The following GRIN2A variants were observed in gnomAD, a reference collection of about 807,000 sequenced individuals.
GRIN2A encodes the protein glutamate receptor ionotropic, NMDA 2A.
In GRIN2A, 22 loss-of-function variants were observed where a neutral mutation model predicts 113.4. That is an observed-to-expected ratio of 0.19 (90% CI 0.14 to 0.28). The LOEUF (loss-of-function observed/expected upper bound fraction) is 0.28, where lower values mean the gene tolerates loss of function less well. Ranked by LOEUF, GRIN2A falls within the 10% of genes least tolerant of loss-of-function variation. GRIN2A has a pLI of 1.00. For missense variants in GRIN2A, 1,502 were observed against 1,887.0 expected, an observed-to-expected ratio of 0.80 and a Z score of 3.78; for synonymous variants, 827 against 738.4, an observed-to-expected ratio of 1.12 and a Z score of -1.94.
At chr16:9,899,259 T>C (rs1475800915) in intron 3 of GRIN2A, among the ~76,000 whole-genome samples, 1 of 151,414 alleles carries the variant, frequency 6.6e-6, no homozygotes, top group Non-Finnish European at 1.5e-5. Flanking sequence ...GCCAACATGG[T>C]GAAACTCCAT....
At chr16:9,889,006 C>T (rs1567374678) in intron 4 of GRIN2A, among the ~76,000 whole-genome samples, 1 of 152,024 alleles carries the variant, frequency 6.6e-6, no homozygotes, top group East Asian at 1.9e-4. Context: ...TGATTAGTAA[C>T]ATATTGAAAA....
At chr16:9,946,187 G>C (rs2045014164) in intron 2 of GRIN2A, among the ~76,000 whole-genome samples, 1 of 152,204 alleles carries the variant, frequency 6.6e-6, no homozygotes, top group Non-Finnish European at 1.5e-5. Flanking sequence ...CAAGGAAACA[G>C]CAAAGACCCA....
chr16:10,098,006 A>C (rs944530950), intron 2 of GRIN2A, among the ~76,000 whole-genome samples: 4 of 152,106 alleles, frequency 2.6e-5, no homozygotes, highest in Non-Finnish European at 5.9e-5. Context: ...TAAATACACA[A>C]CCCACAGAGT....
rs78151447 is a variant in GRIN2A at position 10,009,942 on chromosome 16, A to T, written c.415-71391T>A. On this transcript the variant is annotated intron_variant, in intron 2 of 12. Transcript: ENST00000330684. ...GGATGATGGCCAAATGCACAATGAA[A>T]CTGGAACTGAGGTTCCTAAAGATGC... Among the ~76,000 whole-genome samples the T allele has an allele frequency of 9.4e-4, 143 of 152,294 alleles. 5 individuals carry two copies. In the East Asian group the frequency reaches 0.026, roughly 28 times the overall value.
intron 3 of GRIN2A, among the ~76,000 whole-genome samples, chr16:9,894,966 TATCC>T (rs1567161250): frequency 6.6e-6 from 1 of 152,222 alleles, no homozygotes; most frequent in Non-Finnish European, 1.5e-5. Context: ...TCCATCCATC[TATCC>T]GTCAATACAT....
intron 2 of GRIN2A, among the ~76,000 whole-genome samples, chr16:10,155,517 T>C (rs1182943099): frequency 1.3e-5 from 2 of 152,174 alleles, no homozygotes; most frequent in East Asian, 3.9e-4. Context: ...CTGCCAATTC[T>C]CCTGGCAGAT....
intron 2 of GRIN2A, among the ~76,000 whole-genome samples, chr16:9,957,475 C>T (rs1202512229): frequency 1.3e-5 from 2 of 152,172 alleles, no homozygotes; most frequent in Non-Finnish European, 2.9e-5. Context: ...TTTTTCATGC[C>T]TTCCCATGTG....
intron 4 of GRIN2A, among the ~76,000 whole-genome samples, chr16:9,860,012 C>T (rs956057890): frequency 1.4e-4 from 22 of 151,770 alleles, no homozygotes; most frequent in African/African-American, 5.3e-4. Context: ...CTAGAGTTTC[C>T]AGTCTCGGTG....
chr16:10,151,663 T>A (rs992898234), intron 2 of GRIN2A, among the ~76,000 whole-genome samples: 1 of 152,202 alleles, frequency 6.6e-6, no homozygotes, highest in Non-Finnish European at 1.5e-5. Flanking sequence ...AAGTTTCCTC[T>A]CATTTTTATC....
At chr16:10,093,805 T>C (rs568804794) in intron 2 of GRIN2A, among the ~76,000 whole-genome samples, 1 of 152,052 alleles carries the variant, frequency 6.6e-6, no homozygotes, top group Non-Finnish European at 1.5e-5. Flanking sequence ...GCCAATTACG[T>C]GAGGGAGACG....
intron 2 of GRIN2A, among the ~76,000 whole-genome samples, chr16:10,166,937 GCTTA>G (rs2049936871): frequency 1.3e-5 from 2 of 151,888 alleles, no homozygotes; most frequent in African/African-American, 2.4e-5. Context: ...CTTTTCTATG[GCTTA>G]CTTAAGAATC....
intron 8 of GRIN2A, among the ~76,000 whole-genome samples, chr16:9,830,310 T>C (rs183067558): frequency 2.7e-4 from 41 of 152,198 alleles, no homozygotes; most frequent in African/African-American, 8.9e-4. Context: ...CACAGCACTT[T>C]TTCCAGTATA....
intron 3 of GRIN2A, among the ~76,000 whole-genome samples, chr16:9,910,974 T>C (rs920254745): frequency 6.6e-6 from 1 of 152,060 alleles, no homozygotes; most frequent in Non-Finnish European, 1.5e-5. Context: ...ACCAGTATCA[T>C]TGGTGTATAG....
At chr16:10,107,891 C>T (rs2048528937) in intron 2 of GRIN2A, among the ~76,000 whole-genome samples, 1 of 152,214 alleles carries the variant, frequency 6.6e-6, no homozygotes, top group Non-Finnish European at 1.5e-5. Flanking sequence ...GTGCACAAAA[C>T]GTGCAAAGTG....
chr16:10,044,002 T>A (rs2047213205), intron 2 of GRIN2A, among the ~76,000 whole-genome samples: 1 of 90,162 alleles, frequency 1.1e-5, no homozygotes, highest in African/African-American at 4.7e-5. Flanking sequence ...TGTGTGTGTG[T>A]GTGTGTATAT....
chr16:9,861,126 C>T (rs1467001309), intron 4 of GRIN2A, among the ~76,000 whole-genome samples: 2 of 152,148 alleles, frequency 1.3e-5, no homozygotes, highest in African/African-American at 4.8e-5. Flanking sequence ...CCAGTTAGCT[C>T]ATTGGGTGGT....
intron 2 of GRIN2A, among the ~76,000 whole-genome samples, chr16:9,983,698 C>T (rs2045931422): frequency 6.6e-6 from 1 of 152,192 alleles, no homozygotes; most frequent in East Asian, 1.9e-4. Flanking sequence ...CTTGGCCTCC[C>T]AAAGTGCTGG....
chr16:9,847,181 C>G (rs1018452422), intron 5 of GRIN2A, among the ~76,000 whole-genome samples: 1 of 151,802 alleles, frequency 6.6e-6, no homozygotes, highest in Non-Finnish European at 1.5e-5. Context: ...GATCTGGGAT[C>G]TATAAAAGAG....
intron 4 of GRIN2A, among the ~76,000 whole-genome samples, chr16:9,881,070 A>G (rs917552280): frequency 1.3e-5 from 2 of 152,252 alleles, no homozygotes; most frequent in Non-Finnish European, 2.9e-5. Flanking sequence ...TATGGATTAC[A>G]TAATACCCTA....
Sources: allele counts gnomAD v4.1 joint callset (sites outside exome capture counted in the v4.1 genomes callset), GRCh38; gene constraint gnomAD v4.1.1; transcripts MANE v1.5; gene names NCBI Gene and HGNC (gene_info 2026-07-23, HGNC 2026-07-21).